WDR44: variants seen among roughly 807,000 people sequenced by gnomAD.
WDR44 encodes WD repeat domain 44.
In WDR44, 9 loss-of-function variants were observed where a neutral mutation model predicts 65.7. That is an observed-to-expected ratio of 0.14 (90% confidence interval 0.08 to 0.24). The LOEUF (loss-of-function observed/expected upper bound fraction) is 0.24, where lower values mean the gene tolerates loss of function less well. Among genes scored for constraint, WDR44 ranks in the 10% least tolerant of loss-of-function variants. The pLI, the probability that WDR44 is intolerant of heterozygous loss-of-function variation, is 1.00. For missense variants in WDR44, 425 were observed against 670.9 expected (o/e 0.63, Z 4.05); for synonymous variants, 220 against 235.2 (o/e 0.94, Z 0.59).
chrX:118,398,484 C>T lies in WDR44; in HGVS notation c.1274+14C>T. The T allele has an allele frequency of 8.7e-7, 1 of 1,153,915 alleles. No homozygotes were observed. The highest frequency in any genetic ancestry group is 1.2e-6 in the Non-Finnish European group (1 of 850,299). On this transcript the variant is annotated intron_variant, in intron 8 of 19. Transcript: ENST00000254029. The stretch of plus-strand genomic sequence containing the variant: ...AAAACAGAAAACGTGAGTTACAGTA[C>T]ATCCCTTTTCTTCATTTCAAGTTTT...
At chrX:118,433,879 A>G (rs1209093187) in intron 13 of WDR44, among the ~76,000 whole-genome samples, 1 of 112,007 alleles carries the variant, frequency 8.9e-6, no homozygotes, top group Admixed American at 9.6e-5. Flanking sequence ...AGTACTTTAC[A>G]TGTGCTCTGT....
intron 1 of WDR44, among the ~76,000 whole-genome samples, chrX:118,368,573 C>T (rs2056576637): frequency 9.6e-6 from 1 of 104,043 alleles, no homozygotes; most frequent in African/African-American, 3.6e-5. Context: ...TGTTGCTTCT[C>T]CCAGCAGTGT....
chrX:118,390,513 A>G (rs917691286), intron 3 of WDR44, among the ~76,000 whole-genome samples: 1 of 111,997 alleles, frequency 8.9e-6, no homozygotes, highest in Non-Finnish European at 1.9e-5. Context: ...GAATAATAAT[A>G]GAAGTGCAGA....
intron 19 of WDR44, among the ~76,000 whole-genome samples, chrX:118,444,781 G>A (rs749790008): frequency 9.1e-6 from 1 of 109,442 alleles, no homozygotes; most frequent in Non-Finnish European, 1.9e-5. Context: ...TGTATTTTTT[G>A]TAGAGATGGG....
At chrX:118,425,962 C>A (rs779044105) in intron 12 of WDR44, among the ~76,000 whole-genome samples, 9 of 111,781 alleles carry the variant, frequency 8.1e-5, no homozygotes, top group African/African-American at 2.6e-4. Flanking sequence ...GTAGACCCAA[C>A]TGCTCGAGAG....
At chrX:118,412,774 A>C (rs910029850) in intron 12 of WDR44, among the ~76,000 whole-genome samples, 3 of 111,374 alleles carry the variant, frequency 2.7e-5, no homozygotes, top group African/African-American at 9.8e-5. Context: ...TAAGTTCTTT[A>C]GTGATTTTGG....
intron 13 of WDR44, among the ~76,000 whole-genome samples, chrX:118,434,358 G>T (rs6646204): frequency 0.16 from 17,614 of 110,845 alleles, 2,493 homozygotes; most frequent in African/African-American, 0.44. Context: ...CAGAAACCAA[G>T]AGTAAACTAT....
At chrX:118,386,180 A>G (rs1052843999) in intron 2 of WDR44, among the ~76,000 whole-genome samples, 4 of 111,587 alleles carry the variant, frequency 3.6e-5, no homozygotes, top group African/African-American at 1.3e-4. Context: ...TTATCTGTCT[A>G]AAATGGTTAT....
chrX:118,399,955 G>T (rs932994509), intron 8 of WDR44, among the ~76,000 whole-genome samples: 6 of 110,668 alleles, frequency 5.4e-5, no homozygotes, highest in Admixed American at 1.9e-4. Flanking sequence ...AGGCATGGTG[G>T]CACACACATG....
At chrX:118,417,066 A>G (rs1026905337) in intron 12 of WDR44, among the ~76,000 whole-genome samples, 2 of 111,528 alleles carry the variant, frequency 1.8e-5, no homozygotes, top group Admixed American at 9.5e-5. Flanking sequence ...CTTTAAGTTT[A>G]TTTGAGTCCT....
At chrX:118,438,635 G>A (rs1227120726) in intron 14 of WDR44, among the ~76,000 whole-genome samples, 1 of 109,567 alleles carries the variant, frequency 9.1e-6, no homozygotes, top group Non-Finnish European at 1.9e-5. Flanking sequence ...GTAGAGACAG[G>A]GTATTGCCAT....
At chrX:118,438,168 A>G (rs1012950765) in intron 14 of WDR44, among the ~76,000 whole-genome samples, 2 of 111,213 alleles carry the variant, frequency 1.8e-5, no homozygotes, top group South Asian at 3.7e-4. Context: ...ACACAGTGAG[A>G]CCCCACCTTT....
At chrX:118,409,774 CAA>C (rs1159190942) in intron 11 of WDR44, 147 bp downstream of exon 11, 1 of 527,717 alleles carries the variant, frequency 1.9e-6, no homozygotes, top group Non-Finnish European at 2.9e-6. Flanking sequence ...ACGTCAGTGG[CAA>C]AAAGTCTCTA....
intron 12 of WDR44, among the ~76,000 whole-genome samples, chrX:118,430,334 G>C (rs2057198475): frequency 1.9e-5 from 2 of 104,320 alleles, no homozygotes; most frequent in African/African-American, 3.6e-5. Flanking sequence ...ATGAGGTCAG[G>C]AGTTCAAGAC....
chrX:118,378,386 A>G (rs771221375), intron 1 of WDR44, 33 bp from the exon 2 acceptor site: 2 of 1,185,767 alleles, frequency 1.7e-6, no homozygotes, highest in Non-Finnish European at 2.3e-6. Context: ...CATCTCCTCT[A>G]TTCAACACCT....
At chrX:118,376,807 C>G (rs1051602892) in intron 1 of WDR44, among the ~76,000 whole-genome samples, 2 of 109,958 alleles carry the variant, frequency 1.8e-5, no homozygotes, top group Non-Finnish European at 3.8e-5. Context: ...AGTTCGAGAC[C>G]ACCTTTAGCA....
chrX:118,444,480 A>G lies in WDR44; in HGVS notation c.2633A>G (p.Asp878Gly), dbSNP rs776106105. ...AAAAGTGAAGATGCTGAAGTTTTGG[A>G]TGCCACACCTTCTGGTAAATCTTTA... ...NEKSEDAEVL[D>G]ATPSGIMKTD... Residue 878 changes from aspartate to glycine, a missense_variant, in exon 19 of 20, where the codon GAT becomes GGT. Asp to Gly is a moderately conservative substitution (Grantham distance 94, BLOSUM62 -1). This residue lies in a region of WDR44 where 37 missense variants were observed against 40.9 expected (regional missense o/e 0.90). Coordinates refer to ENST00000254029, the MANE Select transcript of WDR44 (RefSeq NM_019045.5). 8.3e-7 allele frequency: 1 copy of G among 1,209,858 alleles called. No homozygotes were observed. Among genetic ancestry groups the G allele is most frequent in the African/African-American group, 1.7e-5 (1 of 57,456 alleles).
chrX:118,434,902 A>G (rs1441726522), intron 13 of WDR44, among the ~76,000 whole-genome samples: 1 of 111,659 alleles, frequency 9.0e-6, no homozygotes, highest in East Asian at 2.8e-4. Flanking sequence ...TACCGTGTTA[A>G]TTCTTACAAT....
At chrX:118,377,409 C>CA (rs747113336) in intron 1 of WDR44, among the ~76,000 whole-genome samples, 39 of 111,182 alleles carry the variant, frequency 3.5e-4, no homozygotes, top group African/African-American at 1.0e-3. Flanking sequence ...TATCTCTCTT[C>CA]AAAATCGATA....
Sources: gnomAD v4.1 joint callset for allele counts (sites outside exome capture counted in the v4.1 genomes callset) on GRCh38, gnomAD v4.1.1 for gene constraint, gnomAD v4.1.1 regional missense constraint, MANE v1.5 for transcripts, NCBI Gene and HGNC (gene_info 2026-07-23, HGNC 2026-07-21) for gene names.